Variants in HIP1R observed in about 807,000 individuals in gnomAD.
HIP1R encodes huntingtin interacting protein 1 related.
In HIP1R, 135 loss-of-function variants were observed where a neutral mutation model predicts 144.2. The observed-to-expected ratio is 0.94, with a 90% CI of 0.81 to 1.08. The LOEUF is 1.08. Among genes scored for constraint, HIP1R ranks in the 50% least tolerant of loss-of-function variants. The pLI, the probability that HIP1R is intolerant of heterozygous loss-of-function variation, is 0.00. For synonymous variants in HIP1R, 698 were observed against 612.8 expected (o/e 1.14, Z -2.05); for missense variants, 1,462 against 1,432.8 (o/e 1.02, Z -0.33).
intron 12 of HIP1R, 41 bp downstream of exon 12, chr12:122,855,653 A>AAC: frequency 1.3e-6 from 2 of 1,546,238 alleles, no homozygotes; most frequent in Non-Finnish European, 1.7e-6. Flanking sequence ...GGTGGTTGGA[A>AAC]ACGGGCTCAG....
rs1316083985 is a variant in HIP1R, at chr12:122,860,724, G to A, written c.2706G>A (p.Glu902=). 6.2e-7 allele frequency: 1 copy of A among 1,613,344 alleles called. No individual in the cohort carries two copies. Among genetic ancestry groups the A allele is most frequent in the Admixed American group, 1.7e-5 (1 of 60,020 alleles). The change falls in exon 28 of 32, where the codon GAG becomes GAA. Residue 902 remains glutamate, a synonymous_variant. Coordinates refer to ENST00000253083, the MANE Select transcript of HIP1R (RefSeq NM_003959.3). ...TGCTTCACACGGGCAAGTATGAGGAGCTCATCGTCTGCTCCCACGAGATCG... is the reference window on the plus strand; with the variant it reads ...TGCTTCACACGGGCAAGTATGAGGAACTCATCGTCTGCTCCCACGAGATCG... The part of the protein sequence containing the change: ...KVVLHTGKYE[E]LIVCSHEIAA...
chr12:122,855,584 C>A lies in HIP1R; in HGVS notation c.1027C>A (p.Pro343Thr), dbSNP rs1328994499. The part of the protein sequence containing the change: ...VADLFDQTFG[P>T]PNGSVKDDRD... ...TGACCTCTTCGATCAGACGTTTGGA[C>A]CCCCCAATGGGTCTGTGAAGGACGA... The change falls in exon 12 of 32, where the codon CCC becomes ACC. Residue 343 changes from proline (P) to threonine (T), a missense_variant. Pro to Thr is a conservative substitution (Grantham distance 38). Coordinates refer to ENST00000253083, the MANE Select transcript of HIP1R (RefSeq NM_003959.3). 2 of 1,549,520 alleles carry A rather than the reference C, an allele frequency of 1.3e-6. No homozygotes were observed. Among genetic ancestry groups the A allele is most frequent in the Non-Finnish European group, 1.7e-6 (2 of 1,147,024 alleles).
intron 22 of HIP1R, 56 bp downstream of exon 22, chr12:122,859,253 AC>A: frequency 6.5e-7 from 1 of 1,541,172 alleles, no homozygotes; most frequent in Non-Finnish European, 8.8e-7. Flanking sequence ...TGACCTCTGC[AC>A]CCACCTCTGG....
chr12:122,857,872 T>C (rs1001527308), intron 18 of HIP1R: 2 of 420,614 alleles, frequency 4.8e-6, no homozygotes, highest in African/African-American at 4.1e-5. Context: ...CATTTGTGTA[T>C]CTTTGGAGAA....
chr12:122,847,490 C>G (rs2033242592), intron 1 of HIP1R, among the ~76,000 whole-genome samples: 1 of 152,206 alleles, frequency 6.6e-6, no homozygotes, highest in Admixed American at 6.5e-5. Flanking sequence ...CAGGGTGAGG[C>G]CCCACCCAGG....
At chr12:122,854,225 T>C in intron 8 of HIP1R, 42 bp downstream of exon 8, 1 of 1,584,674 alleles carries the variant, frequency 6.3e-7, no homozygotes. Context: ...AGGCTGTGTT[T>C]ATATGGCTTA....
chr12:122,839,829 T>C (rs1305367110), intron 1 of HIP1R, among the ~76,000 whole-genome samples: 1 of 152,210 alleles, frequency 6.6e-6, no homozygotes, highest in African/African-American at 2.4e-5. Context: ...TTGAAATAGG[T>C]ATGCACTGGA....
At position 122,836,777 on chromosome 12, in the gene HIP1R, A is replaced by T. The variant is rs2032907303; in HGVS notation, c.93+1134A>T. 6.6e-6 allele frequency among the ~76,000 whole-genome samples: 1 copy of T among 152,136 alleles called. No individual in the cohort carries two copies. Among genetic ancestry groups the T allele is most frequent in the Non-Finnish European group, 1.5e-5 (1 of 68,016 alleles). ...GACTTCTGCGGTTGCCTTCACATCT[A>T]GTTAGCACACGCACTCTACAACAGC... On this transcript the variant is annotated intron_variant, in intron 1 of 31. Transcript: ENST00000253083. This position sits in a 1 kb window ranked among gnomAD's most constrained non-coding sequence, Gnocchi z 4.1.
rs1399323607 is a variant in HIP1R at position 122,836,724 on chromosome 12, C to T, written c.93+1081C>T. On this transcript the variant is annotated intron_variant, in intron 1 of 31. Coordinates refer to ENST00000253083, the MANE Select transcript of HIP1R (RefSeq NM_003959.3). The surrounding 1 kb of genome is among the most constrained non-coding windows in gnomAD (Gnocchi z 4.1). ...GTTTGTGGCGGCTATTTGCAAGTTCCGTCCCACTTGTCCTTGCAGAGAGCT... is the reference window on the plus strand; with the variant it reads ...GTTTGTGGCGGCTATTTGCAAGTTCTGTCCCACTTGTCCTTGCAGAGAGCT... Among the ~76,000 whole-genome samples the T allele has an allele frequency of 2.0e-5, 3 of 152,190 alleles. No individual in the cohort carries two copies. Among genetic ancestry groups the T allele is most frequent in the African/African-American group, 7.2e-5 (3 of 41,432 alleles).
Position 122,858,258 on chromosome 12 carries a change from T to C in HIP1R, c.1963+9T>C, listed in dbSNP as rs1593887957. On this transcript the variant is annotated intron_variant, in intron 19 of 31. Transcript: ENST00000253083. Reference sequence around the variant, plus strand: ...CTGTACCAGCTCCCCAGGTAGACAGTGGGGCCACACTCAGCCGCTCCCCTG... The same window carrying C: ...CTGTACCAGCTCCCCAGGTAGACAGCGGGGCCACACTCAGCCGCTCCCCTG... 1.3e-6 allele frequency: 2 copies of C among 1,582,750 alleles called. No individual in the cohort carries two copies. The highest frequency in any genetic ancestry group is 1.3e-5 in the African/African-American group (1 of 74,464).
chr12:122,843,956 G>C (rs935416603), intron 1 of HIP1R, among the ~76,000 whole-genome samples: 2 of 152,168 alleles, frequency 1.3e-5, no homozygotes, highest in East Asian at 3.9e-4. Flanking sequence ...GCGATTCTCT[G>C]CCTCAGCTTC....
intron 5 of HIP1R, chr12:122,850,183 G>T: frequency 1.5e-6 from 1 of 663,616 alleles, no homozygotes; most frequent in Non-Finnish European, 2.8e-6. Context: ...GCTTCCCCAG[G>T]CGTTTCTGTG....
intron 3 of HIP1R, 93 bp from the exon 4 acceptor site, chr12:122,848,703 C>T (rs2033286049): frequency 6.3e-7 from 1 of 1,595,676 alleles, no homozygotes; most frequent in Admixed American, 1.7e-5. Context: ...TAGCTCCGGG[C>T]TGTTCCTCCC....
chr12:122,859,836 C>T lies in HIP1R; in HGVS notation c.2465+6C>T, dbSNP rs746747405. Reference sequence around the variant, plus strand: ...AAGCTGGAGGTGAACGAGAGGTGAGCCCCCCTTCTGTCCCCCCAGGCCCAG... The same window carrying T: ...AAGCTGGAGGTGAACGAGAGGTGAGTCCCCCTTCTGTCCCCCCAGGCCCAG... On this transcript the variant is annotated splice_donor_region_variant and intron_variant, in intron 24 of 31. Transcript: ENST00000253083. 8 of 1,611,524 alleles carry T rather than the reference C, an allele frequency of 5.0e-6. No homozygotes were observed. Among genetic ancestry groups the T allele is most frequent in the East Asian group, 2.2e-5 (1 of 44,738 alleles).
At chr12:122,854,204 CCTGGCCCGGAAGG>C (rs769025742) in intron 8 of HIP1R, 21 bp downstream of exon 8, 2 of 1,606,936 alleles carry the variant, frequency 1.2e-6, no homozygotes, top group South Asian at 2.2e-5. Context: ...CAGGGCAACC[CCTGGCCCGGAAGG>C]CTGTGTTTAT....
chr12:122,839,984 G>C (rs1471559422), intron 1 of HIP1R, among the ~76,000 whole-genome samples: 1 of 152,250 alleles, frequency 6.6e-6, no homozygotes, highest in Non-Finnish European at 1.5e-5. Context: ...GTATAGGAGT[G>C]ATTTGCCCGC....
At position 122,856,272 on chromosome 12, in the gene HIP1R, G is replaced by C. The variant is rs376281093; in HGVS notation, c.1329G>C (p.Thr443=). The C allele has an allele frequency of 2.5e-6, 4 of 1,613,666 alleles. No individual in the cohort carries two copies. The African/African-American group carries it at 4.0e-5, about 16-fold the overall frequency. Residue 443 remains threonine, a synonymous_variant, in exon 15 of 32, where the codon ACG becomes ACC. Coordinates refer to ENST00000253083, the MANE Select transcript of HIP1R (RefSeq NM_003959.3). The part of the protein sequence containing the change: ...REEAERKASA[T]EARYNKLKEK... ...CGCCCCCAGGGAAGGCCAGTGCCAC[G>C]GAGGCGCGCTACAACAAGCTGAAGG... is the stretch of plus-strand genomic sequence containing the variant.
intron 7 of HIP1R, among the ~76,000 whole-genome samples, chr12:122,853,123 C>G (rs547438447): frequency 7.9e-5 from 12 of 152,164 alleles, no homozygotes; most frequent in African/African-American, 4.8e-5. Flanking sequence ...CTTTGTCATT[C>G]TCTCTGCCCC....
At chr12:122,855,798 A>G in intron 12 of HIP1R, 33 bp from the exon 13 acceptor site, 2 of 1,549,188 alleles carry the variant, frequency 1.3e-6, no homozygotes, top group Non-Finnish European at 1.7e-6. Context: ...GTTCTGGTTG[A>G]CTTAACTTGA....
Sources: gnomAD v4.1 joint callset for allele counts (sites outside exome capture counted in the v4.1 genomes callset) on GRCh38, gnomAD v4.1.1 for gene constraint, Gnocchi (gnomAD v3.1) non-coding constraint, MANE v1.5 for transcripts, NCBI Gene and HGNC (gene_info 2026-07-23, HGNC 2026-07-21) for gene names.